The following COL4A3 variants were observed in gnomAD, a reference collection of about 807,000 sequenced individuals.
COL4A3 encodes the protein collagen alpha-3(IV) chain.
COL4A3 carries 135 observed loss-of-function variants against 217.4 expected under a neutral mutation model. That is an observed-to-expected ratio of 0.62 (90% confidence interval 0.54 to 0.72). COL4A3 has a LOEUF of 0.72. COL4A3 is among the 30% of genes least tolerant of loss of function. COL4A3 has a pLI of 0.00. For synonymous variants in COL4A3, 690 were observed against 736.3 expected (o/e 0.94, Z 1.02); for missense variants, 1,868 against 2,119.9 (o/e 0.88, Z 2.33).
intron 43 of COL4A3, 47 bp from the exon 44 acceptor site, chr2:227,302,991 G>T (rs940304880): frequency 6.9e-6 from 9 of 1,297,356 alleles, no homozygotes; most frequent in Non-Finnish European, 7.9e-6. Context: ...TGAATTGAGT[G>T]ATTTTAAAAA....
intron 20 of COL4A3, among the ~76,000 whole-genome samples, chr2:227,262,646 TG>T (rs1347004125): frequency 1.3e-5 from 2 of 152,216 alleles, no homozygotes; most frequent in East Asian, 3.8e-4. Context: ...TGTGTGTGTG[TG>T]GCTACCGCAA....
chr2:227,310,378 T>C (rs1256207108), intron 50 of COL4A3, among the ~76,000 whole-genome samples: 4 of 152,176 alleles, frequency 2.6e-5, no homozygotes, highest in African/African-American at 4.8e-5. Flanking sequence ...CTACAATCTC[T>C]GCCTTCTGGC....
rs768203978 is a variant in COL4A3 at position 227,307,899 on chromosome 2, G to A, written c.4442G>A (p.Arg1481Gln). ...TTTCTTTTTGTACAAGGAAATCAAC[G>A]AGCCCACGGACAAGACCTTGGTAAT... ...FSFLFVQGNQ[R>Q]AHGQDLGTLG... The change falls in exon 48 of 52, where the codon CGA becomes CAA. Residue 1481 changes from arginine (R) to glutamine (Q), a missense_variant. Arg to Gln is a conservative substitution (Grantham distance 43). This residue lies in a region of COL4A3 where 1,503 missense variants were observed against 1,786.1 expected (regional missense o/e 0.84). Transcript: ENST00000396578. The A allele has an allele frequency of 1.1e-5, 17 of 1,613,942 alleles. No individual in the cohort carries two copies. Among genetic ancestry groups the A allele is most frequent in the African/African-American group, 8.0e-5 (6 of 74,910 alleles).
In COL4A3 at chr2:227,279,926, T is replaced by G. The variant is rs1242450193; in HGVS notation, c.2223+36T>G. The G allele has an allele frequency of 3.4e-6, 5 of 1,483,700 alleles. No individual in the cohort carries two copies. The Admixed American group carries it at 9.3e-5, about 28-fold the overall frequency. The allele number at this position is 1,483,700 out of a possible 1,614,324, so 91.9% of individuals were successfully genotyped here. ...ATTCAAGCTATCACAGAAGAGAGGG[T>G]GGGTGACCATTAACTGGCCAGTTTG... On this transcript the variant is annotated intron_variant, in intron 29 of 51. Transcript: ENST00000396578.
rs776294835 is a variant in COL4A3, at chr2:227,238,008, G to C, written c.128G>C (p.Gly43Ala). The change falls in exon 2 of 52, where the codon GGG becomes GCG. Residue 43 changes from glycine (G) to alanine (A), a missense_variant. Transcript: ENST00000396578. ...CKDKGQCFCD[G>A]AKGEKGEKGF... The stretch of plus-strand genomic sequence containing the variant: ...GACAAAGGCCAGTGCTTCTGTGACG[G>C]GGCCAAAGGGGAGAAGGTAAAAACA... 2 of 1,606,764 alleles carry C rather than the reference G, an allele frequency of 1.2e-6. No homozygotes were observed. The highest frequency in any genetic ancestry group is 1.7e-6 in the Non-Finnish European group (2 of 1,173,556).
chr2:227,243,213 A>T (rs939726783), intron 3 of COL4A3, among the ~76,000 whole-genome samples: 2 of 152,232 alleles, frequency 1.3e-5, no homozygotes, highest in African/African-American at 4.8e-5. Flanking sequence ...ATTCCAGAAG[A>T]TTAATCCAGA....
chr2:227,199,685 T>C (rs2066611063), intron 1 of COL4A3, among the ~76,000 whole-genome samples: 1 of 152,238 alleles, frequency 6.6e-6, no homozygotes. Context: ...ATTGAGATTC[T>C]TGGGCCCAGC....
chr2:227,304,422 A>G, intron 46 of COL4A3: 2 of 405,506 alleles, frequency 4.9e-6, no homozygotes, highest in South Asian at 5.0e-5. Flanking sequence ...AGGTATGTCT[A>G]TCTCCTCTGA....
chr2:227,288,951 G>GT lies in COL4A3; in HGVS notation c.2882-182dup, dbSNP rs200614219. 0.34 allele frequency among the ~76,000 whole-genome samples: 44,802 copies of GT among 133,294 alleles called. 7,735 individuals carry two copies. The highest frequency in any genetic ancestry group is 0.41 in the Admixed American group (5,289 of 12,906). 87.4% of individuals were successfully genotyped at this position (133,294 alleles called of 152,430 possible). ...TTTGATGCCTGGTTTTTTGTTTTGG[G>GT]TTTTTTTTTTTTTTTTTGAGATGGA... On this transcript the variant is annotated intron_variant, in intron 34 of 51. Coordinates refer to ENST00000396578, the MANE Select transcript of COL4A3 (RefSeq NM_000091.5).
chr2:227,291,003 A>G, intron 37 of COL4A3, 117 bp downstream of exon 37: 1 of 1,213,168 alleles, frequency 8.2e-7, no homozygotes, highest in Non-Finnish European at 1.2e-6. Context: ...CTATACTTTC[A>G]GACAGTTATT....
At chr2:227,270,067 G>T in intron 24 of COL4A3, 87 bp downstream of exon 24, 1 of 1,133,704 alleles carries the variant, frequency 8.8e-7, no homozygotes, top group Non-Finnish European at 1.3e-6. Context: ...TACCAGTTTG[G>T]TGCCTTGCAA....
chr2:227,188,642 A>G (rs1425093339), intron 1 of COL4A3, among the ~76,000 whole-genome samples: 2 of 152,240 alleles, frequency 1.3e-5, no homozygotes, highest in African/African-American at 4.8e-5. Flanking sequence ...AATGTGCTAC[A>G]CTACCAAATC....
At chr2:227,299,160 C>T (rs1247156245) in intron 43 of COL4A3, among the ~76,000 whole-genome samples, 2 of 152,180 alleles carry the variant, frequency 1.3e-5, no homozygotes, top group East Asian at 1.9e-4. Flanking sequence ...CTTTGGGAGG[C>T]CGAGGCGGGC....
intron 1 of COL4A3, among the ~76,000 whole-genome samples, chr2:227,165,400 C>A (rs187119633): frequency 3.6e-4 from 55 of 152,284 alleles, no homozygotes; most frequent in African/African-American, 9.9e-4. Flanking sequence ...AGAAATCGAA[C>A]TCAGGTTAGA....
chr2:227,279,072 T>A (rs2071771101), intron 28 of COL4A3, among the ~76,000 whole-genome samples: 1 of 131,596 alleles, frequency 7.6e-6, no homozygotes, highest in Non-Finnish European at 1.6e-5. Context: ...CTGAAAACGT[T>A]CTATATCTTT....
intron 1 of COL4A3, among the ~76,000 whole-genome samples, chr2:227,189,086 T>C (rs1043814366): frequency 6.6e-6 from 1 of 152,132 alleles, no homozygotes; most frequent in Non-Finnish European, 1.5e-5. Context: ...CTTGGGATTC[T>C]GTTTGAGCAC....
intron 3 of COL4A3, among the ~76,000 whole-genome samples, chr2:227,241,266 A>ACATT (rs1232068958): frequency 6.6e-6 from 1 of 152,322 alleles, no homozygotes; most frequent in East Asian, 1.9e-4. Flanking sequence ...ACGCACCCAC[A>ACATT]CATTCATTCC....
chr2:227,208,764 TTACA>T (rs1384183512), intron 1 of COL4A3, among the ~76,000 whole-genome samples: 2 of 96,450 alleles, frequency 2.1e-5, no homozygotes, highest in East Asian at 6.9e-4. Flanking sequence ...AGGCGGTTGG[TTACA>T]CACACACACA....
At chr2:227,289,717 T>C (rs1175845388) in intron 35 of COL4A3, among the ~76,000 whole-genome samples, 4 of 152,198 alleles carry the variant, frequency 2.6e-5, no homozygotes, top group African/African-American at 9.6e-5. Context: ...TGTATTACCA[T>C]ATGTTTGCAG....
Sources: gnomAD v4.1 joint callset for allele counts (sites outside exome capture counted in the v4.1 genomes callset) on GRCh38, gnomAD v4.1.1 for gene constraint, gnomAD v4.1.1 regional missense constraint, MANE v1.5 for transcripts, NCBI Gene and HGNC (gene_info 2026-07-23, HGNC 2026-07-21) for gene names.